The following EFHC2 variants were observed in gnomAD, a reference collection of about 807,000 sequenced individuals.
The protein encoded by EFHC2 is EF-hand domain containing 2, also known as EF-hand domain-containing family member C2.
Under a neutral mutation model 52.7 loss-of-function variants are expected in EFHC2, and 18 were observed. The ratio of observed to expected loss-of-function variants is 0.34; its 90% confidence interval spans 0.24 to 0.51. The LOEUF (loss-of-function observed/expected upper bound fraction) is 0.51, where lower values mean the gene tolerates loss of function less well. Among genes scored for constraint, EFHC2 ranks in the 20% least tolerant of loss-of-function variants. The pLI is 0.97. For missense variants in EFHC2, 513 were observed against 562.5 expected, an observed-to-expected ratio of 0.91 and a Z score of 0.89; for synonymous variants, 203 against 204.1, an observed-to-expected ratio of 0.99 and a Z score of 0.04.
chrX:44,254,457 C>T (rs917810573), intron 4 of EFHC2, among the ~76,000 whole-genome samples: 8 of 111,968 alleles, frequency 7.1e-5, no homozygotes, highest in African/African-American at 2.6e-4. Context: ...AAACACAGCA[C>T]GAGAGCTTTG....
At chrX:44,229,078 G>C (rs1306962091) in intron 11 of EFHC2, among the ~76,000 whole-genome samples, 5 of 111,942 alleles carry the variant, frequency 4.5e-5, no homozygotes, top group Admixed American at 1.9e-4. Context: ...CTTCACCTTA[G>C]AGAAAATCTT....
intron 14 of EFHC2, among the ~76,000 whole-genome samples, chrX:44,162,286 G>A (rs1470440168): frequency 2.7e-5 from 3 of 111,387 alleles, no homozygotes; most frequent in Non-Finnish European, 5.7e-5. Flanking sequence ...AGCTGGATGT[G>A]GTGGCACACA....
chrX:44,262,014 C>T (rs2147345860), intron 3 of EFHC2, among the ~76,000 whole-genome samples: 1 of 111,072 alleles, frequency 9.0e-6, no homozygotes, highest in South Asian at 3.9e-4. Context: ...GATCTCATCC[C>T]ATCTTCTACT....
intron 7 of EFHC2, among the ~76,000 whole-genome samples, chrX:44,243,883 T>A (rs1193707806): frequency 1.8e-5 from 2 of 112,073 alleles, no homozygotes; most frequent in African/African-American, 3.2e-5. Flanking sequence ...AACCATTACA[T>A]CTAACACACC....
At chrX:44,283,113 G>C (rs2037720545) in intron 2 of EFHC2, among the ~76,000 whole-genome samples, 1 of 112,059 alleles carries the variant, frequency 8.9e-6, no homozygotes, top group Non-Finnish European at 1.9e-5. Context: ...GTGTCTTGTA[G>C]TCATTTCATG....
intron 11 of EFHC2, among the ~76,000 whole-genome samples, chrX:44,220,173 C>A (rs763808131): frequency 2.7e-4 from 30 of 111,422 alleles, no homozygotes; most frequent in African/African-American, 9.8e-4. Context: ...TACATGCACA[C>A]ACAACTTTTA....
At chrX:44,343,520 G>C (rs754828201) in intron 1 of EFHC2, 27 bp downstream of exon 1, 2 of 1,185,068 alleles carry the variant, frequency 1.7e-6, no homozygotes, top group South Asian at 3.7e-5. Context: ...GCCGGGAGCT[G>C]TGACCTCGGA....
At chrX:44,258,206 T>C (rs2037507991) in intron 4 of EFHC2, among the ~76,000 whole-genome samples, 1 of 111,704 alleles carries the variant, frequency 9.0e-6, no homozygotes, top group Non-Finnish European at 1.9e-5. Context: ...GGCAATACCA[T>C]TCAGGACATA....
chrX:44,160,663 C>T (rs181677791), intron 14 of EFHC2, among the ~76,000 whole-genome samples: 175 of 111,948 alleles, frequency 1.6e-3, no homozygotes, highest in African/African-American at 5.3e-3. Context: ...GGCTCATGCC[C>T]GTACTCCCAG....
rs749456044 is a variant in EFHC2, at chrX:44,261,219, G to A, written c.462C>T (p.Val154=). ...DQFYTVYHFN[V]GTEVVFYGRT... ...GGCCATAGAAGACAACCTCTGTGCC[G>A]ACATTAAAATGATACACAGTATAAA... Residue 154 remains valine, a synonymous_variant, in exon 4 of 15, where the codon GTC becomes GTT. Transcript: ENST00000420999. 44 of 1,209,620 alleles carry A rather than the reference G, an allele frequency of 3.6e-5. No homozygotes were observed. The East Asian group carries it at 9.5e-4, about 26-fold the overall frequency.
At position 44,187,135 on chromosome X, in the gene EFHC2, G is replaced by GTGTA. The variant is rs1556001678; in HGVS notation, c.1752-8572_1752-8571insTACA. Among the ~76,000 whole-genome samples, 19 of 61,736 alleles carry GTGTA rather than the reference G, an allele frequency of 3.1e-4. 3 individuals are homozygous for GTGTA. The highest frequency in any genetic ancestry group is 1.1e-3 in the African/African-American group (13 of 12,128). 53.6% of individuals were successfully genotyped at this position (61,736 alleles called of 115,157 possible). ...CCATGTCTCAAAGGAAAACAAAATG[G>GTGTA]TATATATATATATATATGGGCTTTA... On this transcript the variant is annotated intron_variant, in intron 11 of 14. Coordinates refer to ENST00000420999, the MANE Select transcript of EFHC2 (RefSeq NM_025184.4).
chrX:44,235,536 G>T, intron 8 of EFHC2, 89 bp from the exon 9 acceptor site: 1 of 902,015 alleles, frequency 1.1e-6, no homozygotes. Flanking sequence ...ATATAATATG[G>T]CTTTAATATA....
chrX:44,199,039 T>C (rs1321010299), intron 11 of EFHC2, among the ~76,000 whole-genome samples: 2 of 112,626 alleles, frequency 1.8e-5, no homozygotes, highest in Admixed American at 9.4e-5. Context: ...TATAAAGCTC[T>C]GATACAGTTC....
At chrX:44,236,778 G>A (rs1347381058) in intron 8 of EFHC2, among the ~76,000 whole-genome samples, 1 of 111,062 alleles carries the variant, frequency 9.0e-6, no homozygotes, top group Non-Finnish European at 1.9e-5. Context: ...ATAGTGTGGG[G>A]GGAAGCTATG....
intron 1 of EFHC2, among the ~76,000 whole-genome samples, chrX:44,327,336 T>C (rs1035719231): frequency 2.7e-5 from 3 of 111,959 alleles, no homozygotes; most frequent in Non-Finnish European, 5.6e-5. Flanking sequence ...AAGAGAGTGC[T>C]GTAGAAATCC....
chrX:44,161,205 T>C (rs1399542977), intron 14 of EFHC2, among the ~76,000 whole-genome samples: 1 of 111,728 alleles, frequency 9.0e-6, no homozygotes, highest in African/African-American at 3.3e-5. Context: ...ATAGCAAAAA[T>C]AGGTATGTCC....
At chrX:44,152,757 A>ACACAC (rs1569271750) in intron 14 of EFHC2, among the ~76,000 whole-genome samples, 10 of 92,937 alleles carry the variant, frequency 1.1e-4, no homozygotes, top group African/African-American at 4.2e-4. Context: ...CACACACACA[A>ACACAC]AACAATATAT....
chrX:44,187,030 G>T (rs954260327), intron 11 of EFHC2, among the ~76,000 whole-genome samples: 9 of 105,280 alleles, frequency 8.5e-5, no homozygotes, highest in Admixed American at 8.2e-4. Context: ...GAGGTAGGAG[G>T]ATCATTTGAG....
chrX:44,160,556 AAAATTAAAGTAGT>A, intron 14 of EFHC2, among the ~76,000 whole-genome samples: 1 of 111,864 alleles, frequency 8.9e-6, no homozygotes, highest in Non-Finnish European at 1.9e-5. Context: ...CAGGAAAATA[AAAATTAAAGTAGT>A]AAAATATGTT....
Sources: gnomAD v4.1 joint callset for allele counts (sites outside exome capture counted in the v4.1 genomes callset) on GRCh38, gnomAD v4.1.1 for gene constraint, MANE v1.5 for transcripts, NCBI Gene and HGNC (gene_info 2026-07-23, HGNC 2026-07-21) for gene names.